Variants in GPHN observed in about 807,000 individuals in gnomAD.
GPHN encodes the protein gephyrin.
A neutral mutation model predicts 95.5 loss-of-function variants in GPHN; 17 were observed. That is an observed-to-expected ratio of 0.18 (90% CI 0.12 to 0.27). GPHN has a LOEUF of 0.27. GPHN is among the 10% of genes least tolerant of loss of function. GPHN has a pLI of 1.00. For synonymous variants in GPHN, 320 were observed against 322.5 expected (o/e 0.99, Z 0.08); for missense variants, 660 against 978.1 (o/e 0.67, Z 4.34).
chr14:67,600,241 C>T, the GPHN span: 29 of 1,505,760 alleles, frequency 1.9e-5, no homozygotes, highest in African/African-American at 3.7e-4. Flanking sequence ...CGCGGCGCTG[C>T]ACTGCGCTCG....
At chr14:67,716,167 A>C in the GPHN span, among the ~76,000 whole-genome samples, 1 of 151,464 alleles carries the variant, frequency 6.6e-6, no homozygotes, top group East Asian at 1.9e-4. Flanking sequence ...ACTGCACTCC[A>C]GCCTGGACGA....
intron 12 of GPHN, among the ~76,000 whole-genome samples, chr14:67,090,982 AC>A (rs1430157144): frequency 1.3e-5 from 2 of 151,788 alleles, no homozygotes; most frequent in African/African-American, 2.4e-5. Flanking sequence ...AAAAAAAAAA[AC>A]ACTTGATAAT....
At position 66,703,978 on chromosome 14, in the gene GPHN, A is replaced by G. The variant is rs140659379; in HGVS notation, c.143+22793A>G. Among the ~76,000 whole-genome samples, 641 of 151,826 alleles carry G rather than the reference A, an allele frequency of 4.2e-3. 1 individual carries two copies. The highest frequency in any genetic ancestry group is 6.9e-3 in the Non-Finnish European group (470 of 67,918). On this transcript the variant is annotated intron_variant, in intron 2 of 22. Coordinates refer to ENST00000478722, the MANE Select transcript of GPHN (RefSeq NM_020806.5). ...AATGGAAAGCCAAAAAAAAAAAGAA[A>G]GAAAGAAAAAAAGAAAAAAAAAAGG...
intron 5 of GPHN, among the ~76,000 whole-genome samples, chr14:66,904,008 C>T (rs2065245638): frequency 6.6e-6 from 1 of 152,146 alleles, no homozygotes; most frequent in Non-Finnish European, 1.5e-5. Flanking sequence ...TATTACCTAT[C>T]TCTTAACAGG....
At chr14:67,722,939 G>GA in the GPHN span, among the ~76,000 whole-genome samples, 1 of 152,196 alleles carries the variant, frequency 6.6e-6, no homozygotes, top group Non-Finnish European at 1.5e-5. Flanking sequence ...GAGCTCTGGG[G>GA]AGAGTTCTAC....
At chr14:67,186,737 C>T (rs1033058786), downstream of GPHN, among the ~76,000 whole-genome samples, 9 of 152,232 alleles carry the variant, frequency 5.9e-5, no homozygotes, top group Non-Finnish European at 8.8e-5. Flanking sequence ...CAAGTCTCTT[C>T]TTCCCTCCTA....
chr14:66,873,460 T>C (rs2063525997), intron 4 of GPHN, among the ~76,000 whole-genome samples: 1 of 151,984 alleles, frequency 6.6e-6, no homozygotes, highest in African/African-American at 2.4e-5. Context: ...AGCAAATTGG[T>C]CTAACTCAGC....
the GPHN span, chr14:67,390,617 G>A: frequency 7.8e-7 from 1 of 1,288,308 alleles, no homozygotes; most frequent in Non-Finnish European, 1.1e-6. Flanking sequence ...GAGTGTCTGG[G>A]GGCATCACAA....
chr14:66,955,448 G>GA (rs1201722554), intron 8 of GPHN, among the ~76,000 whole-genome samples: 1 of 152,038 alleles, frequency 6.6e-6, no homozygotes, highest in Non-Finnish European at 1.5e-5. Flanking sequence ...TTTCATTTCG[G>GA]TAAGCTCAAC....
At chr14:66,868,343 G>A (rs532868008) in intron 4 of GPHN, among the ~76,000 whole-genome samples, 1 of 152,078 alleles carries the variant, frequency 6.6e-6, no homozygotes, top group Non-Finnish European at 1.5e-5. Flanking sequence ...TTTTCACAGA[G>A]TCACTATGCA....
intron 1 of GPHN, among the ~76,000 whole-genome samples, chr14:66,600,934 CAAAT>C (rs2062204638): frequency 6.6e-6 from 1 of 151,980 alleles, no homozygotes; most frequent in Admixed American, 6.6e-5. Flanking sequence ...TGTTGGGATA[CAAAT>C]AAATTTTATT....
intron 1 of GPHN, among the ~76,000 whole-genome samples, chr14:66,651,023 G>A (rs569602089): frequency 5.9e-5 from 9 of 152,146 alleles, no homozygotes; most frequent in East Asian, 1.9e-4. Context: ...ATCTGTTTGC[G>A]CAGCTCTGTG....
the GPHN span, among the ~76,000 whole-genome samples, chr14:67,242,392 A>C: frequency 6.6e-6 from 1 of 152,226 alleles, no homozygotes; most frequent in African/African-American, 2.4e-5. Context: ...GTTGAACAAA[A>C]ATTTTGAAAT....
At chr14:67,422,482 C>T in the GPHN span, among the ~76,000 whole-genome samples, 3 of 152,326 alleles carry the variant, frequency 2.0e-5, no homozygotes, top group African/African-American at 4.8e-5. Context: ...TGATGCCTGG[C>T]ACATGGGTGC....
At chr14:67,672,568 G>A in the GPHN span, among the ~76,000 whole-genome samples, 15 of 148,834 alleles carry the variant, frequency 1.0e-4, no homozygotes, top group Non-Finnish European at 1.6e-4. Context: ...TCAGCCTCCT[G>A]AGTAGCTGGG....
At chr14:66,919,258 A>G (rs1349007717) in intron 6 of GPHN, among the ~76,000 whole-genome samples, 2 of 152,064 alleles carry the variant, frequency 1.3e-5, no homozygotes, top group African/African-American at 2.4e-5. Context: ...AAAATATGAA[A>G]CCTCTTTCCT....
At chr14:66,793,890 G>C (rs2060064337) in intron 3 of GPHN, among the ~76,000 whole-genome samples, 2 of 151,984 alleles carry the variant, frequency 1.3e-5, no homozygotes, top group African/African-American at 4.8e-5. Flanking sequence ...GAGACATATA[G>C]AAAACATAGA....
At chr14:67,677,238 A>G in the GPHN span, 8 of 152,192 alleles carry the variant, frequency 5.3e-5, no homozygotes, top group Non-Finnish European at 8.8e-5. Context: ...AGACATTTTA[A>G]TCTTGTCAAG....
chr14:67,613,749 A>C, the GPHN span: 18 of 213,520 alleles, frequency 8.4e-5, no homozygotes, highest in Non-Finnish European at 1.7e-4. Flanking sequence ...AACCAAGAAG[A>C]TTCAAAGATT....
Sources: allele counts gnomAD v4.1 joint callset (sites outside exome capture counted in the v4.1 genomes callset), GRCh38; gene constraint gnomAD v4.1.1; transcripts MANE v1.5; gene names NCBI Gene and HGNC (gene_info 2026-07-23, HGNC 2026-07-21).